The following CDH2 variants were observed in gnomAD, a reference collection of about 807,000 sequenced individuals.
CDH2 encodes the protein cadherin-2.
In CDH2, 17 loss-of-function variants were observed where a neutral mutation model predicts 92.0. The observed-to-expected ratio is 0.18, with a 90% confidence interval of 0.13 to 0.28. The LOEUF (loss-of-function observed/expected upper bound fraction) is 0.28, where lower values mean the gene tolerates loss of function less well. CDH2 is among the 10% of genes least tolerant of loss of function. CDH2 has a pLI of 1.00. For missense variants in CDH2, 862 were observed against 1,133.1 expected, an observed-to-expected ratio of 0.76 and a Z score of 3.44; for synonymous variants, 419 against 415.9, an observed-to-expected ratio of 1.01 and a Z score of -0.09.
At chr18:27,946,199 A>C (rs956307401), downstream of CDH2, among the ~76,000 whole-genome samples, 19 of 152,270 alleles carry the variant, frequency 1.2e-4, no homozygotes, top group Admixed American at 1.0e-3. Flanking sequence ...GTAAAACATT[A>C]GTATCTGAAA....
chr18:28,092,862 A>T (rs1449688267), intron 2 of CDH2, among the ~76,000 whole-genome samples: 1 of 152,200 alleles, frequency 6.6e-6, no homozygotes, highest in African/African-American at 2.4e-5. Context: ...TTTCTTAACA[A>T]CCAAATGGAA....
chr18:28,123,443 C>T (rs2015624768), intron 2 of CDH2, among the ~76,000 whole-genome samples: 2 of 152,082 alleles, frequency 1.3e-5, no homozygotes, highest in African/African-American at 2.4e-5. Flanking sequence ...TTAACTGAAG[C>T]ATTATTTTGC....
At chr18:28,089,457 A>C (rs2014997123) in intron 2 of CDH2, among the ~76,000 whole-genome samples, 1 of 152,164 alleles carries the variant, frequency 6.6e-6, no homozygotes, top group African/African-American at 2.4e-5. Flanking sequence ...CCTAGAAGGA[A>C]ATTTTTAAAG....
At chr18:28,036,093 G>A (rs1029046024) in intron 2 of CDH2, among the ~76,000 whole-genome samples, 2 of 152,128 alleles carry the variant, frequency 1.3e-5, no homozygotes, top group Admixed American at 1.3e-4. Context: ...GCAGAAGAAT[G>A]TCTGCTATAA....
intron 2 of CDH2, among the ~76,000 whole-genome samples, chr18:28,124,237 T>C (rs779964368): frequency 6.6e-5 from 10 of 152,142 alleles, no homozygotes; most frequent in Non-Finnish European, 1.0e-4. Flanking sequence ...GTTCATTTTG[T>C]ACATCTGCTC....
intron 11 of CDH2, among the ~76,000 whole-genome samples, chr18:27,987,392 T>C (rs1036557125): frequency 2.0e-5 from 3 of 152,236 alleles, no homozygotes; most frequent in African/African-American, 4.8e-5. Context: ...GGTTGGTCAC[T>C]ACATAGATTT....
At chr18:28,042,803 G>T (rs368350406) in intron 2 of CDH2, among the ~76,000 whole-genome samples, 3 of 152,154 alleles carry the variant, frequency 2.0e-5, no homozygotes, top group East Asian at 1.9e-4. Flanking sequence ...CAAAGAAAAA[G>T]AATAATAAAA....
intron 1 of CDH2, among the ~76,000 whole-genome samples, chr18:28,151,649 T>A (rs1401348322): frequency 6.6e-6 from 1 of 152,188 alleles, no homozygotes; most frequent in African/African-American, 2.4e-5. Flanking sequence ...TACTCCCACA[T>A]AAAGTCATCA....
chr18:28,156,350 G>A (rs2016210336), intron 1 of CDH2, among the ~76,000 whole-genome samples: 1 of 152,180 alleles, frequency 6.6e-6, no homozygotes, highest in African/African-American at 2.4e-5. Flanking sequence ...AGAGTTTGAT[G>A]GACAAAAATC....
At chr18:28,070,573 A>G (rs1007865697) in intron 2 of CDH2, among the ~76,000 whole-genome samples, 1 of 152,218 alleles carries the variant, frequency 6.6e-6, no homozygotes, top group African/African-American at 2.4e-5. Context: ...AAGGGAATAC[A>G]TACAACTAGC....
chr18:28,011,627 T>G (rs1335292317), intron 4 of CDH2, among the ~76,000 whole-genome samples: 1 of 152,208 alleles, frequency 6.6e-6, no homozygotes, highest in Non-Finnish European at 1.5e-5. Context: ...ATCCACAGTG[T>G]GCAGGACCTA....
chr18:28,176,988 A>T lies in CDH2; in HGVS notation c.35T>A (p.Leu12Gln). The change falls in exon 1 of 16, where the codon CTG (leucine) becomes CAG (glutamine). Residue 12 changes from leucine to glutamine, a missense_variant. By Grantham distance (113) the Leu-to-Gln change is moderately radical. Around this residue, in one of 5 missense-constraint regions of CDH2, gnomAD observed 159 missense variants for 177.2 expected, o/e 0.90. Coordinates refer to ENST00000269141, the MANE Select transcript of CDH2 (RefSeq NM_001792.5). ...CTGAAGCAGGGCCGCCAGCAGCGGC[A>T]GCAGGGTCCGCAGCGCTCCCGCTAT... Reference protein sequence around the residue: ...CRIAGALRTLLPLLAALLQAS... With the variant: ...CRIAGALRTLQPLLAALLQAS... 1.4e-6 allele frequency: 2 copies of T among 1,457,738 alleles called. No homozygotes were observed. The highest frequency in any genetic ancestry group is 1.8e-6 in the Non-Finnish European group (2 of 1,105,202). The allele number at this position is 1,457,738 out of a possible 1,614,324, so 90.3% of individuals were successfully genotyped here. A position where few individuals can be genotyped will look rare whatever the true frequency, so the allele number is the denominator to read the frequency against.
downstream of CDH2, among the ~76,000 whole-genome samples, chr18:27,948,288 G>A (rs1398118612): frequency 6.8e-6 from 1 of 147,076 alleles, no homozygotes; most frequent in Non-Finnish European, 1.5e-5. Context: ...CATTCCACAT[G>A]GTTGGGTTTA....
chr18:27,941,867 GT>G (rs1386134887), intron 6 of CDH2, among the ~76,000 whole-genome samples: 2 of 152,146 alleles, frequency 1.3e-5, no homozygotes, highest in Non-Finnish European at 2.9e-5. Flanking sequence ...GAATTTCTGT[GT>G]TTCCAAGTTT....
At chr18:28,056,689 T>G (rs2144137347) in intron 2 of CDH2, among the ~76,000 whole-genome samples, 1 of 152,254 alleles carries the variant, frequency 6.6e-6, no homozygotes, top group Non-Finnish European at 1.5e-5. Context: ...TCTAACAAAC[T>G]TCCCAAAAGG....
intron 1 of CDH2, among the ~76,000 whole-genome samples, chr18:28,159,929 T>A (rs575702990): frequency 1.3e-5 from 2 of 152,218 alleles, no homozygotes; most frequent in Non-Finnish European, 2.9e-5. Context: ...AGTGCTGGGA[T>A]TACAGGCGTG....
At chr18:27,964,326 G>A (rs1196412534) in intron 14 of CDH2, among the ~76,000 whole-genome samples, 1 of 152,142 alleles carries the variant, frequency 6.6e-6, no homozygotes, top group Non-Finnish European at 1.5e-5. Context: ...TGGGCCCTCA[G>A]AACTATTTTT....
chr18:28,031,472 A>G (rs1369520492), intron 2 of CDH2, among the ~76,000 whole-genome samples: 1 of 152,096 alleles, frequency 6.6e-6, no homozygotes, highest in African/African-American at 2.4e-5. Flanking sequence ...AAACTGGATC[A>G]TGTTCAAAAG....
At chr18:28,149,183 C>T (rs1485235039) in intron 1 of CDH2, among the ~76,000 whole-genome samples, 1 of 152,104 alleles carries the variant, frequency 6.6e-6, no homozygotes, top group African/African-American at 2.4e-5. Context: ...CCTCCATATT[C>T]CTAGGGAAAT....
Sources: gnomAD v4.1 joint callset for allele counts (sites outside exome capture counted in the v4.1 genomes callset) on GRCh38, gnomAD v4.1.1 for gene constraint, gnomAD v4.1.1 regional missense constraint, MANE v1.5 for transcripts, NCBI Gene and HGNC (gene_info 2026-07-23, HGNC 2026-07-21) for gene names.